GCFC2: variants seen among roughly 807,000 people sequenced by gnomAD.
The protein encoded by GCFC2 is intron Large complex component GCFC2.
Under a neutral mutation model 99.4 loss-of-function variants are expected in GCFC2, and 102 were observed. The ratio of observed to expected loss-of-function variants is 1.03; its 90% CI spans 0.87 to 1.21. The LOEUF (loss-of-function observed/expected upper bound fraction) is 1.21, where lower values mean the gene tolerates loss of function less well. Ranked by LOEUF, GCFC2 falls within the 50% of genes most tolerant of loss-of-function variation. GCFC2 has a pLI of 0.00. For missense variants in GCFC2, 973 were observed against 920.9 expected (o/e 1.06, Z -0.73); for synonymous variants, 338 against 316.8 (o/e 1.07, Z -0.71).
chr2:75,676,399 A>G (rs185988967), intron 12 of GCFC2, among the ~76,000 whole-genome samples: 3 of 152,146 alleles, frequency 2.0e-5, no homozygotes, highest in Admixed American at 2.0e-4. Flanking sequence ...ACTTCTTGGG[A>G]TCATATAGAA....
rs116155790 is a variant in GCFC2 at position 75,705,499 on chromosome 2, C to A, written c.394+1024G>T. ...TTAGCCAGGCGTGGTGGCCTATAGT[C>A]CTAGCTACTCAAGAGGCTAAGGCAG... On this transcript the variant is annotated intron_variant, in intron 2 of 16. Coordinates refer to ENST00000321027, the MANE Select transcript of GCFC2 (RefSeq NM_003203.5). Among the ~76,000 whole-genome samples, 248 of 150,536 alleles carry A rather than the reference C, an allele frequency of 1.6e-3. 1 individual carries two copies. Among genetic ancestry groups the A allele is most frequent in the African/African-American group, 5.8e-3 (236 of 40,996 alleles).
intron 11 of GCFC2, among the ~76,000 whole-genome samples, chr2:75,685,337 C>T (rs1309160996): frequency 6.6e-6 from 1 of 152,204 alleles, no homozygotes; most frequent in Non-Finnish European, 1.5e-5. Context: ...TCTCTTCTCA[C>T]TTGTTCTTGC....
In GCFC2 at chr2:75,710,712, T is replaced by C. The variant is rs1681122053; in HGVS notation, c.144A>G (p.Gly48=). Residue 48 remains glycine (G), a synonymous_variant, in exon 1 of 17, where the codon GGA becomes GGG. Transcript: ENST00000321027. ...GTCCCGCCACCTGCGCGCGGCCTCC[T>C]CCAGAGGGCGGCTCTTCCTCCGCAG... ...PGSAEEEPPS[G]GGRAQVAGLP... is the part of the protein sequence containing the mutation. 1 of 1,545,120 alleles carries C rather than the reference T, an allele frequency of 6.5e-7. No homozygotes were observed. The highest frequency in any genetic ancestry group is 1.4e-5 in the African/African-American group (1 of 70,772).
In GCFC2 at chr2:75,690,671, G is replaced by GT; in HGVS notation, c.1192dup (p.Thr398AsnfsTer9). 1.3e-6 allele frequency: 2 copies of GT among 1,564,862 alleles called. No individual in the cohort carries two copies. The highest frequency in any genetic ancestry group is 1.4e-5 in the African/African-American group (1 of 73,922). On this transcript the variant is annotated frameshift_variant, in exon 8 of 17. Coordinates refer to ENST00000321027, the MANE Select transcript of GCFC2 (RefSeq NM_003203.5). LOFTEE classifies it high-confidence loss of function. ...TTCAATCTCTTCTAAAATCCACTGA[G>GT]TTTTTTCATCTACTGAGAAGTTTCC...
At chr2:75,678,482 A>T (rs937694164) in intron 12 of GCFC2, among the ~76,000 whole-genome samples, 2 of 152,122 alleles carry the variant, frequency 1.3e-5, no homozygotes, top group Non-Finnish European at 2.9e-5. Flanking sequence ...CACATGTTGA[A>T]ATCCTATTCT....
At chr2:75,707,013 G>A (rs1221251960) in intron 1 of GCFC2, among the ~76,000 whole-genome samples, 1 of 152,138 alleles carries the variant, frequency 6.6e-6, no homozygotes, top group Non-Finnish European at 1.5e-5. Flanking sequence ...TATGTACTAG[G>A]CACACTGAAA....
chr2:75,677,418 C>T (rs1679389978), intron 12 of GCFC2, among the ~76,000 whole-genome samples: 1 of 152,164 alleles, frequency 6.6e-6, no homozygotes, highest in Admixed American at 6.5e-5. Context: ...GATTCTCTAC[C>T]AAGTGCCATT....
At chr2:75,683,166 A>C (rs1459248588) in intron 11 of GCFC2, among the ~76,000 whole-genome samples, 2 of 151,874 alleles carry the variant, frequency 1.3e-5, no homozygotes, top group Non-Finnish European at 2.9e-5. Flanking sequence ...GTTGAAATGA[A>C]GGAAAAAAAG....
rs545023260 is a variant in GCFC2 at position 75,691,833 on chromosome 2, T to C, written c.1144+144A>G. ...AACATTCTTAAGTCCTATTTCTAAA[T>C]GTTTTGAGTTTTTGGAAGTTGGTGG... On this transcript the variant is annotated intron_variant, in intron 7 of 16. Coordinates refer to ENST00000321027, the MANE Select transcript of GCFC2 (RefSeq NM_003203.5). 1.2e-5 allele frequency: 4 copies of C among 337,602 alleles called. No homozygotes were observed. The East Asian group carries it at 2.2e-4, about 19-fold the overall frequency. 20.9% of individuals were successfully genotyped at this position (337,602 alleles called of 1,614,324 possible). A position where few individuals can be genotyped will look rare whatever the true frequency, so the allele number is the denominator to read the frequency against.
intron 5 of GCFC2, among the ~76,000 whole-genome samples, chr2:75,695,394 A>C (rs142849823): frequency 1.1e-3 from 162 of 152,336 alleles, no homozygotes; most frequent in African/African-American, 3.3e-3. Flanking sequence ...TTTAATTATG[A>C]TATAACAACT....
At chr2:75,700,542 T>C (rs771778131) in intron 4 of GCFC2, among the ~76,000 whole-genome samples, 11 of 152,100 alleles carry the variant, frequency 7.2e-5, no homozygotes, top group South Asian at 2.1e-4. Context: ...AAAGAGAAAA[T>C]TGGATATATT....
intron 13 of GCFC2, among the ~76,000 whole-genome samples, 192 bp downstream of exon 13, chr2:75,673,252 G>A (rs1679198210): frequency 6.6e-6 from 1 of 151,880 alleles, no homozygotes; most frequent in Non-Finnish European, 1.5e-5. Context: ...AGCTTGCAGT[G>A]AGCCGAGATC....
At chr2:75,669,564 T>C (rs948541916) in intron 15 of GCFC2, among the ~76,000 whole-genome samples, 1 of 152,224 alleles carries the variant, frequency 6.6e-6, no homozygotes, top group African/African-American at 2.4e-5. Context: ...TGAAATTTTT[T>C]TGGTGTATAG....
chr2:75,710,795 C>A lies in GCFC2; in HGVS notation c.61G>T (p.Gly21Cys), dbSNP rs775724952. Residue 21 changes from glycine (G) to cysteine (C), a missense_variant, in exon 1 of 17, where the codon GGC becomes TGC. Coordinates refer to ENST00000321027, the MANE Select transcript of GCFC2 (RefSeq NM_003203.5). ...QRAADSSDSD[G>C]AEESPAEPGA... is the part of the protein sequence containing the mutation. ...GGCTCAGCAGGCGACTCCTCGGCGCCATCGCTGTCGCTGGAATCAGCCGCG... is the reference window on the plus strand; with the variant it reads ...GGCTCAGCAGGCGACTCCTCGGCGCAATCGCTGTCGCTGGAATCAGCCGCG... The A allele has an allele frequency of 3.8e-6, 6 of 1,578,078 alleles. No individual in the cohort carries two copies. The East Asian group carries it at 1.2e-4, about 31-fold the overall frequency.
rs1351847274 is a variant in GCFC2 at position 75,670,302 on chromosome 2, G to C, written c.1957-18C>G. 6.5e-7 allele frequency: 1 copy of C among 1,529,770 alleles called. No individual in the cohort carries two copies. The highest frequency in any genetic ancestry group is 9.0e-7 in the Non-Finnish European group (1 of 1,105,336). 94.8% of individuals were successfully genotyped at this position (1,529,770 alleles called of 1,614,324 possible). A position where few individuals can be genotyped will look rare whatever the true frequency, so the allele number is the denominator to read the frequency against. On this transcript the variant is annotated intron_variant, in intron 14 of 16. Coordinates refer to ENST00000321027, the MANE Select transcript of GCFC2 (RefSeq NM_003203.5). Reference sequence around the variant, plus strand: ...CGGAAGAGCTAAAATAAAATATCAAGTAAATATGTACCTTTTCTCCAAAGA... The same window carrying C: ...CGGAAGAGCTAAAATAAAATATCAACTAAATATGTACCTTTTCTCCAAAGA...
chr2:75,669,242 G>C (rs977057239), intron 15 of GCFC2, among the ~76,000 whole-genome samples: 28 of 152,030 alleles, frequency 1.8e-4, no homozygotes, highest in Admixed American at 3.9e-4. Context: ...CTTGTTACAT[G>C]TTAACAACTT....
At chr2:75,702,455 C>G (rs767198147) in intron 2 of GCFC2, 32 bp from the exon 3 acceptor site, 1 of 1,563,916 alleles carries the variant, frequency 6.4e-7, no homozygotes, top group East Asian at 2.3e-5. Flanking sequence ...ACACTAAAAA[C>G]CAAAGACCAA....
rs1330007158 is a variant in GCFC2, at chr2:75,670,123, T to G, written c.2103+15A>C. 6.5e-7 allele frequency: 1 copy of G among 1,542,820 alleles called. No individual in the cohort carries two copies. Among genetic ancestry groups the G allele is most frequent in the African/African-American group, 1.4e-5 (1 of 72,738 alleles). Reference sequence around the variant, plus strand: ...GAAATGATAAAATTAGAATCAGTCTTCCTTCACAACTTACCTGGTTGCACT... The same window carrying G: ...GAAATGATAAAATTAGAATCAGTCTGCCTTCACAACTTACCTGGTTGCACT... On this transcript the variant is annotated intron_variant, in intron 15 of 16. Transcript: ENST00000321027.
chr2:75,676,289 C>A lies in GCFC2; in HGVS notation c.1813-2769G>T, dbSNP rs1573050954. Reference sequence around the variant, plus strand: ...CCATTTGCTGATAGGGGATCATTATCTCCTGAGGCTGCCCATAACTTTGGA... The same window carrying A: ...CCATTTGCTGATAGGGGATCATTATATCCTGAGGCTGCCCATAACTTTGGA... On this transcript the variant is annotated intron_variant, in intron 12 of 16. Coordinates refer to ENST00000321027, the MANE Select transcript of GCFC2 (RefSeq NM_003203.5). 3.9e-5 allele frequency among the ~76,000 whole-genome samples: 6 copies of A among 152,296 alleles called. No homozygotes were observed. In the South Asian group the frequency reaches 1.2e-3, roughly 32 times the overall value.
Sources: allele counts gnomAD v4.1 joint callset (sites outside exome capture counted in the v4.1 genomes callset), GRCh38; gene constraint gnomAD v4.1.1; transcripts MANE v1.5; gene names NCBI Gene and HGNC (gene_info 2026-07-23, HGNC 2026-07-21).